CATSPERE: variants seen among roughly 807,000 people sequenced by gnomAD.
CATSPERE encodes the protein catsper channel auxiliary subunit epsilon, also known as cation channel sperm-associated auxiliary subunit epsilon.
A neutral mutation model predicts 114.1 loss-of-function variants in CATSPERE; 93 were observed. The observed-to-expected ratio is 0.81, with a 90% CI of 0.69 to 0.97. The LOEUF (loss-of-function observed/expected upper bound fraction) is 0.97. Among genes scored for constraint, CATSPERE ranks in the 50% least tolerant of loss-of-function variants. The pLI is 0.00. For synonymous variants in CATSPERE, 341 were observed against 384.1 expected, an observed-to-expected ratio of 0.89 and a Z score of 1.31; for missense variants, 1,058 against 1,131.6, an observed-to-expected ratio of 0.93 and a Z score of 0.93.
chr1:244,487,244 G>T (rs964182790), intron 5 of CATSPERE, among the ~76,000 whole-genome samples: 1 of 152,032 alleles, frequency 6.6e-6, no homozygotes, highest in African/African-American at 2.4e-5. Flanking sequence ...CTGGTGGGTG[G>T]TTCAGCATGT....
chr1:244,623,970 C>CT (rs1012527317), intron 20 of CATSPERE, among the ~76,000 whole-genome samples: 14 of 150,520 alleles, frequency 9.3e-5, no homozygotes, highest in South Asian at 6.3e-4. Context: ...GTGGCAGTTT[C>CT]TTTTTTTTTG....
intron 2 of CATSPERE, among the ~76,000 whole-genome samples, chr1:244,473,325 G>A (rs141994683): frequency 9.2e-5 from 14 of 152,190 alleles, no homozygotes; most frequent in South Asian, 4.2e-4. Context: ...GTGGTATCTC[G>A]TTGCTTTAAT....
At chr1:244,627,226 T>C (rs58548150) in intron 20 of CATSPERE, among the ~76,000 whole-genome samples, 1,601 of 152,188 alleles carry the variant, frequency 0.011, 37 homozygotes, top group African/African-American at 0.036. Flanking sequence ...TCTTATATGG[T>C]CGCAGTTCAT....
At chr1:244,501,125 C>T (rs1402365411) in intron 7 of CATSPERE, among the ~76,000 whole-genome samples, 1 of 152,134 alleles carries the variant, frequency 6.6e-6, no homozygotes, top group Non-Finnish European at 1.5e-5. Context: ...GGAGTTCACT[C>T]ATGATTTGGC....
intron 8 of CATSPERE, among the ~76,000 whole-genome samples, chr1:244,545,442 T>A (rs1216774316): frequency 6.6e-6 from 1 of 152,202 alleles, no homozygotes; most frequent in East Asian, 1.9e-4. Context: ...AAGTCTAGGC[T>A]GCTGTGCAGA....
At chr1:244,603,729 G>C (rs949881865) in intron 17 of CATSPERE, among the ~76,000 whole-genome samples, 1 of 151,652 alleles carries the variant, frequency 6.6e-6, no homozygotes, top group African/African-American at 2.4e-5. Context: ...AATCTGGCCA[G>C]GCATGGTGGC....
chr1:244,483,500 T>C lies in CATSPERE; in HGVS notation c.326+3716T>C, dbSNP rs73129779. ...ATCCTCACCAACACTTAAAATTGTCTGACTTTTTAATTTTTCCAGTCTACT... is the reference window on the plus strand; with the variant it reads ...ATCCTCACCAACACTTAAAATTGTCCGACTTTTTAATTTTTCCAGTCTACT... On this transcript the variant is annotated intron_variant, in intron 5 of 21. Transcript: ENST00000366534. Among the ~76,000 whole-genome samples the C allele has an allele frequency of 6.3e-3, 967 of 152,308 alleles. 11 individuals carry two copies. Among genetic ancestry groups the C allele is most frequent in the African/African-American group, 0.022 (921 of 41,566 alleles).
rs747169180 is a variant in CATSPERE at position 244,583,738 on chromosome 1, C to T, written c.2010-126C>T. The T allele has an allele frequency of 4.3e-4, 309 of 715,200 alleles. 1 individual carries two copies. Among genetic ancestry groups the T allele is most frequent in the Non-Finnish European group, 6.6e-4 (279 of 422,894 alleles). 44.3% of individuals were successfully genotyped at this position (715,200 alleles called of 1,614,324 possible). ...TTACCAGCAGCACCATCCTCCAGGC[C>T]TCTAGAAATTGGCGTGGGAGGTCAA... On this transcript the variant is annotated intron_variant, in intron 12 of 21. Coordinates refer to ENST00000366534, the MANE Select transcript of CATSPERE (RefSeq NM_001130957.2).
chr1:244,464,501 A>G (rs773601329), intron 2 of CATSPERE, among the ~76,000 whole-genome samples: 3 of 152,152 alleles, frequency 2.0e-5, no homozygotes, highest in Non-Finnish European at 2.9e-5. Flanking sequence ...CCTTTTATGT[A>G]TCTGTGTATC....
chr1:244,604,242 A>C (rs1262188794), intron 17 of CATSPERE, among the ~76,000 whole-genome samples: 1 of 152,226 alleles, frequency 6.6e-6, no homozygotes, highest in African/African-American at 2.4e-5. Flanking sequence ...GCCAAACACC[A>C]ATCCTCCAAT....
chr1:244,559,147 C>G (rs1433784649), intron 9 of CATSPERE, among the ~76,000 whole-genome samples: 1 of 152,200 alleles, frequency 6.6e-6, no homozygotes, highest in African/African-American at 2.4e-5. Flanking sequence ...GAATTCTTAT[C>G]TATCGTGTTT....
Position 244,552,591 on chromosome 1 carries a change from G to T in CATSPERE, c.806G>T (p.Trp269Leu), listed in dbSNP as rs767659349. Residue 269 changes from tryptophan to leucine, a missense_variant, in exon 9 of 22, where the codon TGG becomes TTG. Transcript: ENST00000366534. Reference sequence around the variant, plus strand: ...CACACAACTGATTCATTCAAATCTTGGACCAGAATCAGAGTGCCTCCAGAC... The same window carrying T: ...CACACAACTGATTCATTCAAATCTTTGACCAGAATCAGAGTGCCTCCAGAC... ...TFHTTDSFKS[W>L]TRIRVPPDIL... The T allele has an allele frequency of 1.2e-6, 2 of 1,614,028 alleles. No individual in the cohort carries two copies. Among genetic ancestry groups the T allele is most frequent in the Non-Finnish European group, 1.7e-6 (2 of 1,180,030 alleles).
intron 5 of CATSPERE, among the ~76,000 whole-genome samples, chr1:244,484,420 G>A (rs192512596): frequency 2.6e-5 from 4 of 152,320 alleles, no homozygotes; most frequent in Admixed American, 1.3e-4. Flanking sequence ...TTCTGGTGAG[G>A]ACATGAACCA....
At chr1:244,530,171 A>G (rs1352355636) in intron 8 of CATSPERE, among the ~76,000 whole-genome samples, 4 of 151,026 alleles carry the variant, frequency 2.6e-5, no homozygotes, top group African/African-American at 9.7e-5. Context: ...CTGGTCTTGA[A>G]CTCCTGACCT....
Position 244,617,599 on chromosome 1 carries a change from A to G in CATSPERE, c.2561A>G (p.Asn854Ser), listed in dbSNP as rs1573027043. The G allele has an allele frequency of 1.3e-6, 2 of 1,543,914 alleles. No homozygotes were observed. The highest frequency in any genetic ancestry group is 1.4e-5 in the African/African-American group (1 of 72,422). Residue 854 changes from asparagine to serine, a missense_variant, in exon 20 of 22, where the codon AAC becomes AGC. By Grantham distance (46) the Asn-to-Ser change is conservative. Coordinates refer to ENST00000366534, the MANE Select transcript of CATSPERE (RefSeq NM_001130957.2). ...GDLNQPYEIINSSNGNHIFWP... is the reference protein window; with the variant it reads ...GDLNQPYEIISSSNGNHIFWP... ...TTAAATCAACCATACGAGATTATCAACAGTTCTAATGGTAACCATATATTT... is the reference window on the plus strand; with the variant it reads ...TTAAATCAACCATACGAGATTATCAGCAGTTCTAATGGTAACCATATATTT...
At chr1:244,559,434 A>G (rs994984424) in intron 9 of CATSPERE, among the ~76,000 whole-genome samples, 2 of 152,258 alleles carry the variant, frequency 1.3e-5, no homozygotes, top group Admixed American at 6.5e-5. Context: ...GATGTTTTCA[A>G]AAGATTCCTT....
At chr1:244,580,168 T>C (rs1665949756) in intron 11 of CATSPERE, among the ~76,000 whole-genome samples, 1 of 151,714 alleles carries the variant, frequency 6.6e-6, no homozygotes, top group Admixed American at 6.6e-5. Flanking sequence ...TCCCGAGTAA[T>C]TGGGATTACA....
At chr1:244,577,109 A>G (rs1332093108) in intron 11 of CATSPERE, among the ~76,000 whole-genome samples, 1 of 151,962 alleles carries the variant, frequency 6.6e-6, no homozygotes, top group Non-Finnish European at 1.5e-5. Context: ...AAGCAACTGA[A>G]ACTCTAGAAT....
chr1:244,463,038 A>G (rs1033159140), intron 1 of CATSPERE, among the ~76,000 whole-genome samples: 1 of 152,174 alleles, frequency 6.6e-6, no homozygotes, highest in Admixed American at 6.5e-5. Flanking sequence ...CCAAATTGAG[A>G]TGTGGTGTAA....
Sources: allele counts gnomAD v4.1 joint callset (sites outside exome capture counted in the v4.1 genomes callset), GRCh38; gene constraint gnomAD v4.1.1; transcripts MANE v1.5; gene names NCBI Gene and HGNC (gene_info 2026-07-23, HGNC 2026-07-21).